MORN4: variants seen among roughly 807,000 people sequenced by gnomAD.
MORN4 encodes the protein MORN repeat containing 4.
Under a neutral mutation model 16.4 loss-of-function variants are expected in MORN4, and 8 were observed. The ratio of observed to expected loss-of-function variants is 0.49; its 90% CI spans 0.29 to 0.88. The LOEUF (loss-of-function observed/expected upper bound fraction) is 0.88, where lower values mean the gene tolerates loss of function less well. MORN4 is among the 40% of genes least tolerant of loss of function. The pLI is 0.09. For missense variants in MORN4, 159 were observed against 182.9 expected (o/e 0.87, Z 0.75); for synonymous variants, 53 against 68.9 (o/e 0.77, Z 1.14).
At chr10:97,617,150 AT>A in intron 3 of MORN4, 57 bp downstream of exon 3, 1 of 1,357,980 alleles carries the variant, frequency 7.4e-7, no homozygotes, top group Non-Finnish European at 1.1e-6. Flanking sequence ...CCAGAGTCCC[AT>A]TTTTCTGTCA....
intron 4 of MORN4, 122 bp downstream of exon 4, chr10:97,616,556 G>T: frequency 8.2e-7 from 1 of 1,222,536 alleles, no homozygotes. Flanking sequence ...TGAGTTCAAT[G>T]GATAGGTGTC....
intron 1 of MORN4, among the ~76,000 whole-genome samples, chr10:97,621,438 G>T (rs1045361700): frequency 6.6e-6 from 1 of 152,246 alleles, no homozygotes; most frequent in Non-Finnish European, 1.5e-5. Context: ...GTGGTAGCAC[G>T]AAGTGGGATG....
At chr10:97,629,983 G>A (rs1336337668) in intron 1 of MORN4, among the ~76,000 whole-genome samples, 1 of 149,476 alleles carries the variant, frequency 6.7e-6, no homozygotes, top group Non-Finnish European at 1.5e-5. Flanking sequence ...GGAGTTCAGT[G>A]GCACGATCTC....
upstream of MORN4, chr10:97,633,671 A>G (rs898580678): frequency 1.7e-5 from 21 of 1,251,370 alleles, no homozygotes; most frequent in African/African-American, 1.5e-5. This position sits in a 1 kb window ranked among gnomAD's most constrained non-coding sequence, Gnocchi z 4.5. Flanking sequence ...AGATAAAGAC[A>G]GAGGATCCAG....
chr10:97,632,293 A>G (rs1166847899), intron 1 of MORN4, among the ~76,000 whole-genome samples: 1 of 128,128 alleles, frequency 7.8e-6, no homozygotes, highest in African/African-American at 3.1e-5. Context: ...ATCTTGGCTC[A>G]CTGCAACCGC....
chr10:97,633,596 G>C (rs1335701517), upstream of MORN4: 3 of 1,289,106 alleles, frequency 2.3e-6, no homozygotes, highest in Admixed American at 2.3e-5. The surrounding 1 kb of genome is among the most constrained non-coding windows in gnomAD (Gnocchi z 4.5). Flanking sequence ...ATCTTTGTGC[G>C]GGGCCGAGTG....
intron 4 of MORN4, 97 bp downstream of exon 4, chr10:97,616,581 T>C: frequency 2.4e-6 from 3 of 1,250,256 alleles, no homozygotes; most frequent in Non-Finnish European, 3.5e-6. Flanking sequence ...ACGGCCACTA[T>C]GGATTGCTGG....
chr10:97,618,403 T>C (rs2041258348), intron 2 of MORN4, among the ~76,000 whole-genome samples: 1 of 151,814 alleles, frequency 6.6e-6, no homozygotes, highest in Admixed American at 6.6e-5. Context: ...TAGCTGGGAT[T>C]ACAAAGTGTT....
At position 97,616,024 on chromosome 10, in the gene MORN4, C is replaced by A; in HGVS notation, c.*239G>T. 2.7e-6 allele frequency: 1 copy of A among 367,800 alleles called. No individual in the cohort carries two copies. The highest frequency in any genetic ancestry group is 4.8e-6 in the Non-Finnish European group (1 of 206,338). The allele number at this position is 367,800 out of a possible 1,614,324, so 22.8% of individuals were successfully genotyped here. A position where few individuals can be genotyped will look rare whatever the true frequency, so the allele number is the denominator to read the frequency against. ...GAGAAGAGGTGGCTCCTCTGTCCTCCAGCACATAAGGGTTAGGGAAAGACA... is the reference window on the plus strand; with the variant it reads ...GAGAAGAGGTGGCTCCTCTGTCCTCAAGCACATAAGGGTTAGGGAAAGACA... On this transcript the variant is annotated 3_prime_UTR_variant, in exon 5 of 5. Coordinates refer to ENST00000307450, the MANE Select transcript of MORN4 (RefSeq NM_178832.4).
intron 1 of MORN4, among the ~76,000 whole-genome samples, chr10:97,629,748 T>G (rs2041378690): frequency 6.6e-6 from 1 of 150,878 alleles, no homozygotes; most frequent in Non-Finnish European, 1.5e-5. Context: ...ATATGGGTGT[T>G]TTTTTTTTGT....
At chr10:97,620,341 A>T (rs2041277599) in intron 1 of MORN4, among the ~76,000 whole-genome samples, 1 of 151,692 alleles carries the variant, frequency 6.6e-6, no homozygotes, top group Admixed American at 6.6e-5. Flanking sequence ...TACAAAAATT[A>T]GCTGGGCGTG....
chr10:97,620,313 C>A (rs111676061), intron 1 of MORN4, among the ~76,000 whole-genome samples: 3,922 of 151,492 alleles, frequency 0.026, 125 homozygotes, highest in South Asian at 0.069. Context: ...CATGGTGAGA[C>A]CCCGTCTCTA....
chr10:97,632,702 GA>G (rs1307819984), intron 1 of MORN4, among the ~76,000 whole-genome samples: 4 of 138,080 alleles, frequency 2.9e-5, no homozygotes, highest in Non-Finnish European at 6.5e-5. Flanking sequence ...GCGCCAAAAA[GA>G]TTTTTTTTTT....
At chr10:97,618,036 C>A (rs945718865) in intron 2 of MORN4, among the ~76,000 whole-genome samples, 1 of 150,682 alleles carries the variant, frequency 6.6e-6, no homozygotes, top group Non-Finnish European at 1.5e-5. Flanking sequence ...ATTAGCCGGG[C>A]ATGGTGGTGG....
rs536101414 is a variant in MORN4, at chr10:97,623,052, C to T, written c.-30-3369G>A. 4.0e-5 allele frequency among the ~76,000 whole-genome samples: 6 copies of T among 151,862 alleles called. No homozygotes were observed. In the South Asian group the frequency reaches 1.3e-3, roughly 32 times the overall value. On this transcript the variant is annotated intron_variant, in intron 1 of 4. Coordinates refer to ENST00000307450, the MANE Select transcript of MORN4 (RefSeq NM_178832.4). ...GGCGCACACTACCACATCTAGCTACCTCCTCATCTTTTCCAGATCTAAGCA... is the reference window on the plus strand; with the variant it reads ...GGCGCACACTACCACATCTAGCTACTTCCTCATCTTTTCCAGATCTAAGCA...
At chr10:97,627,528 A>G (rs1402966755) in intron 1 of MORN4, among the ~76,000 whole-genome samples, 1 of 152,238 alleles carries the variant, frequency 6.6e-6, no homozygotes, top group African/African-American at 2.4e-5. Context: ...AGCAGGGTTC[A>G]ATGACATCTT....
chr10:97,624,841 C>T (rs1233283462), intron 1 of MORN4, among the ~76,000 whole-genome samples: 3 of 152,104 alleles, frequency 2.0e-5, no homozygotes, highest in South Asian at 2.1e-4. Context: ...TACAGGCATG[C>T]GCCACCACGC....
Position 97,620,519 on chromosome 10 carries a change from G to A in MORN4, c.-30-836C>T, listed in dbSNP as rs148601758. 5.0e-3 allele frequency among the ~76,000 whole-genome samples: 647 copies of A among 128,518 alleles called. 2 individuals carry two copies. Among genetic ancestry groups the A allele is most frequent in the African/African-American group, 0.011 (354 of 30,808 alleles). 84.3% of individuals were successfully genotyped at this position (128,518 alleles called of 152,430 possible). On this transcript the variant is annotated intron_variant, in intron 1 of 4. Coordinates refer to ENST00000307450, the MANE Select transcript of MORN4 (RefSeq NM_178832.4). ...AAAAAAAAAAAAAAGAAAAAAAAAA[G>A]AAAATATGGGGAACCAACACTCAAA... is the stretch of plus-strand genomic sequence containing the variant.
At chr10:97,617,710 A>G (rs2041248596) in intron 2 of MORN4, among the ~76,000 whole-genome samples, 1 of 152,046 alleles carries the variant, frequency 6.6e-6, no homozygotes, top group African/African-American at 2.4e-5. Context: ...AAATACAAAA[A>G]TTAGCTGGGT....
Sources: gnomAD v4.1 joint callset for allele counts (sites outside exome capture counted in the v4.1 genomes callset) on GRCh38, gnomAD v4.1.1 for gene constraint, Gnocchi (gnomAD v3.1) non-coding constraint, MANE v1.5 for transcripts, NCBI Gene and HGNC (gene_info 2026-07-23, HGNC 2026-07-21) for gene names.